The following MRTFA variants were observed in gnomAD, a reference collection of about 807,000 sequenced individuals.
MRTFA encodes myocardin-related transcription factor A.
MRTFA carries 20 observed loss-of-function variants against 83.5 expected under a neutral mutation model. That is an observed-to-expected ratio of 0.24 (90% CI 0.17 to 0.35). The LOEUF (loss-of-function observed/expected upper bound fraction) is 0.35. Among genes scored for constraint, MRTFA ranks in the 10% least tolerant of loss-of-function variants. The probability of loss-of-function intolerance (pLI) is 1.00; values close to 1 mark genes in which losing one functional copy is unlikely to be tolerated. For missense variants in MRTFA, 1,200 were observed against 1,224.7 expected, an observed-to-expected ratio of 0.98 and a Z score of 0.30; for synonymous variants, 659 against 541.2, an observed-to-expected ratio of 1.22 and a Z score of -3.02.
intron 3 of MRTFA, among the ~76,000 whole-genome samples, chr22:40,545,666 C>T (rs193163789): frequency 2.8e-3 from 423 of 152,060 alleles, no homozygotes; most frequent in African/African-American, 9.9e-3. Context: ...CTCCTGACCT[C>T]AGGCGATCCA....
intron 3 of MRTFA, among the ~76,000 whole-genome samples, chr22:40,489,380 C>T (rs1381744501): frequency 2.7e-5 from 4 of 150,598 alleles, no homozygotes; most frequent in East Asian, 1.9e-4. Flanking sequence ...GACGGAGTCT[C>T]GTTCTGTCGC....
At chr22:40,624,569 A>G (rs947835325) in intron 1 of MRTFA, among the ~76,000 whole-genome samples, 1 of 152,180 alleles carries the variant, frequency 6.6e-6, no homozygotes, top group Non-Finnish European at 1.5e-5. Flanking sequence ...AAACCAAATA[A>G]GTACCCAGAA....
In MRTFA at chr22:40,610,932, CT is replaced by C. The variant is rs746175814; in HGVS notation, c.-83-16198del. Among the ~76,000 whole-genome samples the C allele has an allele frequency of 4.4e-3, 479 of 108,328 alleles. 1 individual carries two copies. Among genetic ancestry groups the C allele is most frequent in the African/African-American group, 1.0e-2 (289 of 28,924 alleles). The allele number at this position is 108,328 out of a possible 152,430, so 71.1% of individuals were successfully genotyped here. ...CACCAAAGAGAGTTGTTTTCTTTTACTTTTTTTTTTTTTTTTTTTTTTTGAG... is the reference window on the plus strand; with the variant it reads ...CACCAAAGAGAGTTGTTTTCTTTTACTTTTTTTTTTTTTTTTTTTTTTGAG... On this transcript the variant is annotated intron_variant, in intron 1 of 14. Transcript: ENST00000355630.
At chr22:40,444,624 C>G (rs577012232) in intron 4 of MRTFA, among the ~76,000 whole-genome samples, 68 of 152,334 alleles carry the variant, frequency 4.5e-4, no homozygotes, top group African/African-American at 1.5e-3. Context: ...CACGATATTT[C>G]TCACGTGCTA....
At chr22:40,498,487 G>A (rs1040017986) in intron 3 of MRTFA, among the ~76,000 whole-genome samples, 2 of 150,842 alleles carry the variant, frequency 1.3e-5, no homozygotes, top group Non-Finnish European at 3.0e-5. Flanking sequence ...GTTTCACCAT[G>A]TTGCGCAGGT....
At chr22:40,426,109 G>C (rs2052948179) in intron 7 of MRTFA, among the ~76,000 whole-genome samples, 2 of 152,146 alleles carry the variant, frequency 1.3e-5, no homozygotes, top group South Asian at 4.1e-4. Flanking sequence ...AGGGTGGGAT[G>C]GGGAGCTTAG....
chr22:40,518,053 A>C (rs1244410271), intron 3 of MRTFA, among the ~76,000 whole-genome samples: 1 of 152,204 alleles, frequency 6.6e-6, no homozygotes, highest in Non-Finnish European at 1.5e-5. Flanking sequence ...GCATGGGAGC[A>C]TCACATAACC....
intron 3 of MRTFA, among the ~76,000 whole-genome samples, chr22:40,484,688 GAAAC>G (rs1258077163): frequency 6.6e-6 from 1 of 152,100 alleles, no homozygotes; most frequent in Non-Finnish European, 1.5e-5. Flanking sequence ...GGATACTTCA[GAAAC>G]AATTTCCATA....
intron 3 of MRTFA, among the ~76,000 whole-genome samples, chr22:40,495,193 G>C (rs919394570): frequency 6.6e-6 from 1 of 151,756 alleles, no homozygotes; most frequent in Non-Finnish European, 1.5e-5. Flanking sequence ...GGGCAATACA[G>C]TGAGACCCCG....
chr22:40,558,797 GT>G (rs60228865), intron 2 of MRTFA, among the ~76,000 whole-genome samples: 48,959 of 142,804 alleles, frequency 0.34, 8,254 homozygotes, highest in East Asian at 0.61. Context: ...GGTTTTTTGG[GT>G]TTTTTTTTTT....
intron 1 of MRTFA, among the ~76,000 whole-genome samples, chr22:40,622,622 G>A (rs951706697): frequency 3.3e-5 from 5 of 152,148 alleles, no homozygotes; most frequent in African/African-American, 1.2e-4. Context: ...CTTGAAGATT[G>A]AAGTGACGCT....
chr22:40,428,457 C>A (rs1244290827), intron 7 of MRTFA, among the ~76,000 whole-genome samples: 2 of 152,168 alleles, frequency 1.3e-5, no homozygotes, highest in African/African-American at 2.4e-5. Context: ...GGAATCAAGT[C>A]CAAACTCCCA....
At chr22:40,562,918 A>T (rs1765567047) in intron 2 of MRTFA, among the ~76,000 whole-genome samples, 1 of 152,168 alleles carries the variant, frequency 6.6e-6, no homozygotes, top group Admixed American at 6.5e-5. Flanking sequence ...CTTTGGTAAC[A>T]GCCAATGGTG....
intron 3 of MRTFA, among the ~76,000 whole-genome samples, chr22:40,472,319 T>G (rs571409463): frequency 4.6e-5 from 7 of 152,332 alleles, no homozygotes; most frequent in African/African-American, 1.7e-4. Context: ...TATGGAGAAA[T>G]TAAATATGCT....
chr22:40,461,392 C>A (rs1172073694), intron 4 of MRTFA, among the ~76,000 whole-genome samples: 2 of 151,814 alleles, frequency 1.3e-5, no homozygotes, highest in Non-Finnish European at 2.9e-5. Context: ...GTGATGCACA[C>A]CAGTAGTCCC....
intron 6 of MRTFA, among the ~76,000 whole-genome samples, chr22:40,431,114 TAAACA>T (rs987661754): frequency 6.6e-6 from 1 of 152,150 alleles, no homozygotes; most frequent in East Asian, 1.9e-4. Flanking sequence ...GACTGTGTCT[TAAACA>T]AAACAAAACA....
rs2053342222 is a variant in MRTFA at position 40,444,655 on chromosome 22, T to C, written c.308-9101A>G. On this transcript the variant is annotated intron_variant, in intron 4 of 14. Transcript: ENST00000355630. The stretch of plus-strand genomic sequence containing the variant: ...TGCTATTAAGGATTGCATCCTGAGA[T>C]CGACGTGTAGCCACCACATTCATCA... Among the ~76,000 whole-genome samples, 2 of 152,070 alleles carry C rather than the reference T, an allele frequency of 1.3e-5. 1 individual carries two copies. Among genetic ancestry groups the C allele is most frequent in the East Asian group, 3.9e-4 (2 of 5,186 alleles).
intron 3 of MRTFA, chr22:40,519,483 C>T: frequency 7.4e-7 from 1 of 1,343,788 alleles, no homozygotes; most frequent in Non-Finnish European, 9.9e-7. Flanking sequence ...CCTCTCTTCT[C>T]ATGCTTGCTT....
At chr22:40,484,977 C>G (rs966230830) in intron 3 of MRTFA, among the ~76,000 whole-genome samples, 1 of 151,276 alleles carries the variant, frequency 6.6e-6, no homozygotes, top group African/African-American at 2.4e-5. Flanking sequence ...GAGGCTGAGG[C>G]AGGAGAATCG....
Sources: allele counts gnomAD v4.1 joint callset (sites outside exome capture counted in the v4.1 genomes callset), GRCh38; gene constraint gnomAD v4.1.1; transcripts MANE v1.5; gene names NCBI Gene and HGNC (gene_info 2026-07-23, HGNC 2026-07-21).